The following PDGFC variants were observed in gnomAD, a reference collection of about 807,000 sequenced individuals.
The protein encoded by PDGFC is platelet derived growth factor C.
PDGFC carries 12 observed loss-of-function variants against 35.5 expected under a neutral mutation model. That is an observed-to-expected ratio of 0.34 (90% CI 0.22 to 0.55). PDGFC has a LOEUF of 0.55. PDGFC is among the 20% of genes least tolerant of loss of function. The pLI is 0.91. For missense variants in PDGFC, 322 were observed against 412.4 expected, an observed-to-expected ratio of 0.78 and a Z score of 1.90; for synonymous variants, 159 against 148.8, an observed-to-expected ratio of 1.07 and a Z score of -0.50.
chr4:156,908,300 A>G, intron 1 of PDGFC, among the ~76,000 whole-genome samples: 1 of 152,270 alleles, frequency 6.6e-6, no homozygotes. Context: ...ACATTATTCT[A>G]ATTACCTAGA....
At chr4:156,898,753 T>G (rs556957998) in intron 1 of PDGFC, among the ~76,000 whole-genome samples, 1 of 152,144 alleles carries the variant, frequency 6.6e-6, no homozygotes, top group Admixed American at 6.6e-5. Flanking sequence ...CAACTTCTCT[T>G]GGGCCAAAGA....
chr4:156,901,212 T>C (rs1229706775), intron 1 of PDGFC, among the ~76,000 whole-genome samples: 3 of 152,164 alleles, frequency 2.0e-5, no homozygotes, highest in African/African-American at 7.2e-5. Flanking sequence ...GGAATCCACA[T>C]CTTTTAAATT....
chr4:156,969,948 G>C (rs1732552594), intron 1 of PDGFC, among the ~76,000 whole-genome samples: 1 of 152,208 alleles, frequency 6.6e-6, no homozygotes, highest in South Asian at 2.1e-4. Flanking sequence ...TTTAGAAATT[G>C]AATGATGTAA....
intron 1 of PDGFC, among the ~76,000 whole-genome samples, chr4:156,945,852 A>T (rs1189076547): frequency 6.6e-6 from 1 of 151,880 alleles, no homozygotes; most frequent in East Asian, 1.9e-4. Context: ...GCCCAATCTG[A>T]CTCCTAAATC....
chr4:156,843,149 A>C lies in PDGFC; in HGVS notation c.314+7072T>G, dbSNP rs1468788253. Among the ~76,000 whole-genome samples, 4 of 152,120 alleles carry C rather than the reference A, an allele frequency of 2.6e-5. No individual in the cohort carries two copies. The East Asian group carries it at 7.7e-4, about 29-fold the overall frequency. ...TTGAAGGTAGGGTATTTGGGAGATG[A>C]TTAGGTCATGAACGGGATCAGCAGT... On this transcript the variant is annotated intron_variant, in intron 2 of 5. Coordinates refer to ENST00000502773, the MANE Select transcript of PDGFC (RefSeq NM_016205.3).
intron 1 of PDGFC, among the ~76,000 whole-genome samples, chr4:156,905,256 C>T (rs1730885603): frequency 6.6e-6 from 1 of 151,966 alleles, no homozygotes; most frequent in Non-Finnish European, 1.5e-5. Flanking sequence ...TCTGAGAGCA[C>T]CTACTGAATA....
At chr4:156,856,486 T>C (rs1196640902) in intron 1 of PDGFC, among the ~76,000 whole-genome samples, 1 of 152,160 alleles carries the variant, frequency 6.6e-6, no homozygotes, top group Admixed American at 6.6e-5. Context: ...CAGTTTCAGA[T>C]GTTACCTCTT....
At chr4:156,862,158 G>A (rs916595423) in intron 1 of PDGFC, among the ~76,000 whole-genome samples, 1 of 152,056 alleles carries the variant, frequency 6.6e-6, no homozygotes, top group Non-Finnish European at 1.5e-5. Flanking sequence ...TTTCCAGGAA[G>A]AAATTTTAAA....
intron 1 of PDGFC, among the ~76,000 whole-genome samples, chr4:156,916,858 C>T (rs1012867487): frequency 6.6e-6 from 1 of 152,152 alleles, no homozygotes; most frequent in Non-Finnish European, 1.5e-5. Context: ...TCCTAAATTA[C>T]TAAAAACTAT....
At chr4:156,883,705 G>C (rs889303871) in intron 1 of PDGFC, among the ~76,000 whole-genome samples, 3 of 152,026 alleles carry the variant, frequency 2.0e-5, no homozygotes, top group African/African-American at 7.3e-5. Flanking sequence ...TTGATGATCT[G>C]AGATTTCTTT....
chr4:156,888,712 T>C (rs1730433465), intron 1 of PDGFC, among the ~76,000 whole-genome samples: 1 of 152,178 alleles, frequency 6.6e-6, no homozygotes, highest in African/African-American at 2.4e-5. Flanking sequence ...TTTTCTCCAA[T>C]GTCCCTGCCC....
At chr4:156,771,737 T>A (rs1730698500) in intron 4 of PDGFC, among the ~76,000 whole-genome samples, 3 of 152,188 alleles carry the variant, frequency 2.0e-5, no homozygotes, top group Non-Finnish European at 4.4e-5. Flanking sequence ...TCTGGTGCAA[T>A]CTGCCCTTGT....
chr4:156,842,416 C>T (rs1049942537), intron 2 of PDGFC, among the ~76,000 whole-genome samples: 8 of 151,512 alleles, frequency 5.3e-5, no homozygotes, highest in Non-Finnish European at 8.8e-5. Flanking sequence ...AAAATATATA[C>T]CTCTAAAGTT....
intron 1 of PDGFC, among the ~76,000 whole-genome samples, chr4:156,895,809 A>G (rs1730621196): frequency 6.6e-6 from 1 of 152,152 alleles, no homozygotes; most frequent in Admixed American, 6.6e-5. Context: ...CAGGAAAAAG[A>G]GAGAGTAAGT....
chr4:156,769,565 T>G (rs1244833265), intron 4 of PDGFC, among the ~76,000 whole-genome samples: 1 of 151,956 alleles, frequency 6.6e-6, no homozygotes, highest in Non-Finnish European at 1.5e-5. Context: ...AAAATTATTT[T>G]TCTAACTCAA....
At chr4:156,930,231 G>C (rs149922215) in intron 1 of PDGFC, among the ~76,000 whole-genome samples, 32 of 152,238 alleles carry the variant, frequency 2.1e-4, no homozygotes, top group African/African-American at 6.0e-4. Context: ...ATAGTTTGTC[G>C]TTATTGCTAT....
chr4:156,961,975 A>G (rs1399377527), intron 1 of PDGFC, among the ~76,000 whole-genome samples: 2 of 152,284 alleles, frequency 1.3e-5, no homozygotes, highest in Non-Finnish European at 2.9e-5. Context: ...ATGCCTGATG[A>G]CTGAAAAACA....
intron 1 of PDGFC, among the ~76,000 whole-genome samples, chr4:156,957,560 AG>A (rs1732242943): frequency 6.6e-6 from 1 of 151,714 alleles, no homozygotes; most frequent in African/African-American, 2.4e-5. Flanking sequence ...CTTCCTCTTC[AG>A]GGGATTTCTT....
At chr4:156,817,407 A>C (rs1732117082) in intron 2 of PDGFC, among the ~76,000 whole-genome samples, 1 of 152,210 alleles carries the variant, frequency 6.6e-6, no homozygotes, top group South Asian at 2.1e-4. Context: ...ATATTTTAAA[A>C]GTATAAGTAT....
Sources: gnomAD v4.1 joint callset for allele counts (sites outside exome capture counted in the v4.1 genomes callset) on GRCh38, gnomAD v4.1.1 for gene constraint, MANE v1.5 for transcripts, NCBI Gene and HGNC (gene_info 2026-07-23, HGNC 2026-07-21) for gene names.